The following RASGEF1C variants were observed in gnomAD, a reference collection of about 807,000 sequenced individuals.
RASGEF1C encodes ras-GEF domain-containing family member 1C.
In RASGEF1C, 27 loss-of-function variants were observed where a neutral mutation model predicts 58.1. The ratio of observed to expected loss-of-function variants is 0.46; its 90% confidence interval spans 0.34 to 0.64. RASGEF1C has a LOEUF of 0.64. Among genes scored for constraint, RASGEF1C ranks in the 30% least tolerant of loss-of-function variants. The pLI, the probability that RASGEF1C is intolerant of heterozygous loss-of-function variation, is 0.01. For missense variants in RASGEF1C, 502 were observed against 605.1 expected (o/e 0.83, Z 1.79); for synonymous variants, 243 against 246.3 (o/e 0.99, Z 0.13).
Position 180,180,096 on chromosome 5 carries a change from G to A in RASGEF1C, c.-7+28932C>T, listed in dbSNP as rs567352360. Among the ~76,000 whole-genome samples the A allele has an allele frequency of 5.9e-5, 9 of 152,328 alleles. No individual in the cohort carries two copies. The South Asian group carries it at 1.7e-3, about 28-fold the overall frequency. On this transcript the variant is annotated intron_variant, in intron 1 of 13. Transcript: ENST00000361132. ...AGGCGGTGGCCTGCTCACACTGCCT[G>A]TAGCACATCCACCAGCAGCTCTGGG... is the stretch of plus-strand genomic sequence containing the variant.
chr5:180,165,441 A>G (rs541121602), intron 1 of RASGEF1C, among the ~76,000 whole-genome samples: 64 of 152,080 alleles, frequency 4.2e-4, no homozygotes, highest in African/African-American at 1.5e-3. Flanking sequence ...AGGCTGAGGC[A>G]GGTAGATCAC....
intron 12 of RASGEF1C, among the ~76,000 whole-genome samples, chr5:180,110,909 G>A (rs1765949676): frequency 1.3e-5 from 2 of 151,948 alleles, no homozygotes; most frequent in African/African-American, 4.8e-5. Context: ...TCTGCCTCCC[G>A]GGTTCAAGTG....
chr5:180,118,211 A>G (rs1420047259), intron 10 of RASGEF1C, among the ~76,000 whole-genome samples: 3 of 152,146 alleles, frequency 2.0e-5, no homozygotes, highest in African/African-American at 7.2e-5. Context: ...TTAGGGACCA[A>G]AGGGCCCCAA....
At chr5:180,149,088 CTTT>C (rs61204210) in intron 1 of RASGEF1C, among the ~76,000 whole-genome samples, 46 of 110,150 alleles carry the variant, frequency 4.2e-4, no homozygotes, top group East Asian at 1.1e-3. Flanking sequence ...CTTTTTTTTT[CTTT>C]TTTTTTTTTT....
intron 5 of RASGEF1C, 60 bp downstream of exon 5, chr5:180,128,350 A>G: frequency 1.4e-6 from 2 of 1,465,368 alleles, no homozygotes; most frequent in Non-Finnish European, 1.9e-6. Flanking sequence ...GGGAGGGCAC[A>G]GTGTATCTGT....
chr5:180,176,996 C>T (rs1385157770), intron 1 of RASGEF1C, among the ~76,000 whole-genome samples: 1 of 152,172 alleles, frequency 6.6e-6, no homozygotes, highest in Non-Finnish European at 1.5e-5. Flanking sequence ...AAGACAGGGC[C>T]CCTGGCCTGG....
At chr5:180,191,517 C>T (rs939195752) in intron 1 of RASGEF1C, among the ~76,000 whole-genome samples, 2 of 152,080 alleles carry the variant, frequency 1.3e-5, no homozygotes, top group Non-Finnish European at 2.9e-5. Flanking sequence ...CCACCACGGC[C>T]GGCTGATTTT....
rs1302180011 is a variant in RASGEF1C, at chr5:180,173,871, C to T, written c.-7+35157G>A. ...GAGTTTGCAGTGAGCTGAGATTGTG[C>T]CACTGCACTCCAGCCTGGGCAACAG... On this transcript the variant is annotated intron_variant, in intron 1 of 13. Transcript: ENST00000361132. Among the ~76,000 whole-genome samples, 3 of 151,520 alleles carry T rather than the reference C, an allele frequency of 2.0e-5. No homozygotes were observed. The East Asian group carries it at 5.8e-4, about 30-fold the overall frequency.
chr5:180,162,661 T>A (rs1766959875), intron 1 of RASGEF1C, among the ~76,000 whole-genome samples: 1 of 152,256 alleles, frequency 6.6e-6, no homozygotes, highest in Non-Finnish European at 1.5e-5. Flanking sequence ...CATAAATAGA[T>A]TTATGTTTAT....
intron 1 of RASGEF1C, 76 bp from the exon 2 acceptor site, chr5:180,138,134 T>G (rs1453081034): frequency 1.1e-6 from 1 of 912,854 alleles, no homozygotes; most frequent in Middle Eastern, 2.8e-4. Flanking sequence ...GAGCTGCTGG[T>G]CCCGGGGCTC....
At chr5:180,118,560 C>T in intron 10 of RASGEF1C, 49 bp downstream of exon 10, 1 of 1,509,802 alleles carries the variant, frequency 6.6e-7, no homozygotes. Flanking sequence ...TGAGCCAGCA[C>T]CCAGGTTCCC....
chr5:180,124,411 G>A (rs962221414), intron 6 of RASGEF1C, among the ~76,000 whole-genome samples: 5 of 152,172 alleles, frequency 3.3e-5, no homozygotes, highest in African/African-American at 1.2e-4. Context: ...TCTCACTGAC[G>A]ATTATAGTTG....
At chr5:180,176,862 C>T (rs73336794) in intron 1 of RASGEF1C, among the ~76,000 whole-genome samples, 23,875 of 152,108 alleles carry the variant, frequency 0.16, 2,061 homozygotes, top group African/African-American at 0.23. Flanking sequence ...GGTCCCGGGG[C>T]TAATACTTTT....
At chr5:180,118,299 T>C (rs4455520) in intron 10 of RASGEF1C, among the ~76,000 whole-genome samples, 126,704 of 151,696 alleles carry the variant, frequency 0.84, 53,385 homozygotes, top group East Asian at 0.98. Flanking sequence ...GGAGAGGCCA[T>C]GGGGGCTCTG....
chr5:180,193,304 C>T lies in RASGEF1C; in HGVS notation c.-7+15724G>A, dbSNP rs552879429. Among the ~76,000 whole-genome samples the T allele has an allele frequency of 4.0e-5, 6 of 151,766 alleles. No individual in the cohort carries two copies. The East Asian group carries it at 5.8e-4, about 15-fold the overall frequency. On this transcript the variant is annotated intron_variant, in intron 1 of 13. Transcript: ENST00000361132. ...TCTCCTGACCTCGTGATCCGCCTGC[C>T]TCGGCCTCCCAAAGTGCTGGGATTA...
intron 6 of RASGEF1C, among the ~76,000 whole-genome samples, chr5:180,121,467 C>T (rs1766171343): frequency 6.6e-6 from 1 of 152,108 alleles, no homozygotes. Flanking sequence ...GCGCCCGCCA[C>T]CACGCCCAGA....
chr5:180,117,982 A>C (rs1261225349), intron 10 of RASGEF1C, among the ~76,000 whole-genome samples: 1 of 125,008 alleles, frequency 8.0e-6, no homozygotes, highest in African/African-American at 3.2e-5. Context: ...CGACAGAGAG[A>C]GACTCCATCT....
At chr5:180,196,810 T>C (rs889723169) in intron 1 of RASGEF1C, among the ~76,000 whole-genome samples, 1 of 152,222 alleles carries the variant, frequency 6.6e-6, no homozygotes, top group Non-Finnish European at 1.5e-5. Flanking sequence ...CAGGTATTTC[T>C]CTGTTTATCA....
At chr5:180,127,112 G>A (rs1766275523) in intron 6 of RASGEF1C, among the ~76,000 whole-genome samples, 1 of 152,180 alleles carries the variant, frequency 6.6e-6, no homozygotes, top group African/African-American at 2.4e-5. Context: ...CCAGAAGGGC[G>A]GGATCGAAAT....
Sources: allele counts gnomAD v4.1 joint callset (sites outside exome capture counted in the v4.1 genomes callset), GRCh38; gene constraint gnomAD v4.1.1; transcripts MANE v1.5; gene names NCBI Gene and HGNC (gene_info 2026-07-23, HGNC 2026-07-21).